Variants in FBXW2 observed in about 807,000 individuals in gnomAD.
FBXW2 encodes F-box and WD repeat domain containing 2, also known as F-box/WD repeat-containing protein 2.
A neutral mutation model predicts 46.0 loss-of-function variants in FBXW2; 12 were observed. The ratio of observed to expected loss-of-function variants is 0.26; its 90% CI spans 0.17 to 0.42. The LOEUF is 0.42. Ranked by LOEUF, FBXW2 falls within the 10% of genes least tolerant of loss-of-function variation. The pLI is 1.00. For missense variants in FBXW2, 360 were observed against 537.0 expected, an observed-to-expected ratio of 0.67 and a Z score of 3.26; for synonymous variants, 203 against 209.6, an observed-to-expected ratio of 0.97 and a Z score of 0.27.
Position 120,776,135 on chromosome 9 carries a change from T to C in FBXW2, c.777A>G (p.Thr259=), listed in dbSNP as rs1373870402. The C allele has an allele frequency of 1.2e-6, 2 of 1,614,220 alleles. No homozygotes were observed. The highest frequency in any genetic ancestry group is 1.7e-6 in the Non-Finnish European group (2 of 1,180,038). The part of the protein sequence containing the change: ...TVKVWALSAG[T]CLNTLTGHTE... ...TGTGCCCGGTGAGTGTGTTCAGGCA[T>C]GTCCCAGCAGATAAAGCCCATACTT... Residue 259 remains threonine, a synonymous_variant, in exon 5 of 8, where the codon ACA becomes ACG. Coordinates refer to ENST00000608872, the MANE Select transcript of FBXW2 (RefSeq NM_012164.4).
intron 7 of FBXW2, 151 bp from the exon 8 acceptor site, chr9:120,764,998 A>G: frequency 3.1e-6 from 2 of 651,798 alleles, no homozygotes; most frequent in Non-Finnish European, 4.8e-6. Context: ...TATAAGGAGA[A>G]AAGCTCAGCC....
At chr9:120,791,973 C>T (rs2044852837) in intron 2 of FBXW2, among the ~76,000 whole-genome samples, 1 of 152,146 alleles carries the variant, frequency 6.6e-6, no homozygotes, top group Non-Finnish European at 1.5e-5. Flanking sequence ...CATTAACTCC[C>T]TATGTTACCT....
chr9:120,770,417 T>C (rs2044355164), intron 7 of FBXW2, among the ~76,000 whole-genome samples: 1 of 151,954 alleles, frequency 6.6e-6, no homozygotes, highest in South Asian at 2.1e-4. Flanking sequence ...TTCAATTTTC[T>C]GTACTCCTCC....
Position 120,772,805 on chromosome 9 carries a change from C to A in FBXW2, c.855G>T (p.Leu285Phe). The A allele has an allele frequency of 6.2e-7, 1 of 1,610,466 alleles. No homozygotes were observed. The highest frequency in any genetic ancestry group is 8.5e-7 in the Non-Finnish European group (1 of 1,178,824). ...AGAGGATGTAGTCTCCAGGACTGTG[C>A]AAGAGAGACTTGACTTTGCACTTCT... ...VLQKCKVKSL[L>F]HSPGDYILLS... Residue 285 changes from leucine (L) to phenylalanine (F), a missense_variant, in exon 6 of 8, where the codon TTG becomes TTT. Physicochemically the swap from Leu to Phe is conservative, Grantham distance 22. Coordinates refer to ENST00000608872, the MANE Select transcript of FBXW2 (RefSeq NM_012164.4).
rs895441912 is a variant in FBXW2 at position 120,761,028 on chromosome 9, C to T, written c.*3531G>A. ...TTTCATAGCAATGTTCCCCACGTTT[C>T]ACTCATGAACAGCTATCCAATTGCA... is the stretch of plus-strand genomic sequence containing the variant. On this transcript the variant is annotated 3_prime_UTR_variant, in exon 8 of 8. Coordinates refer to ENST00000608872, the MANE Select transcript of FBXW2 (RefSeq NM_012164.4). 3.3e-5 allele frequency: 5 copies of T among 152,194 alleles called. No individual in the cohort carries two copies. The highest frequency in any genetic ancestry group is 1.2e-4 in the African/African-American group (5 of 41,446). The allele number at this position is 152,194 out of a possible 1,614,324, so 9.4% of individuals were successfully genotyped here.
chr9:120,778,463 C>A lies in FBXW2; in HGVS notation c.573G>T (p.Ala191=), dbSNP rs746403096. The A allele has an allele frequency of 6.2e-7, 1 of 1,614,078 alleles. No individual in the cohort carries two copies. The highest frequency in any genetic ancestry group is 8.5e-7 in the Non-Finnish European group (1 of 1,180,020). The part of the protein sequence containing the change: ...VYGIQTHTCA[A]VKFDEQKLVT... The stretch of plus-strand genomic sequence containing the variant: ...CAAGCTTCTGTTCATCAAACTTCAC[C>A]GCTGCACAAGTGTGGGTCTGGATGC... The change falls in exon 4 of 8, where the codon GCG becomes GCT. Residue 191 remains alanine, a synonymous_variant. Transcript: ENST00000608872.
chr9:120,787,748 AG>A lies in FBXW2; in HGVS notation c.490+20del, dbSNP rs1342803307. ...ATGAAATACAAAACAAAACCCAAAAAGCAGTTTCAACATCTCTTACCTGTAC... is the reference window on the plus strand; with the variant it reads ...ATGAAATACAAAACAAAACCCAAAAACAGTTTCAACATCTCTTACCTGTAC... On this transcript the variant is annotated intron_variant, in intron 3 of 7. Coordinates refer to ENST00000608872, the MANE Select transcript of FBXW2 (RefSeq NM_012164.4). 1 of 1,584,292 alleles carries A rather than the reference AG, an allele frequency of 6.3e-7. No individual in the cohort carries two copies. Among genetic ancestry groups the A allele is most frequent in the Non-Finnish European group, 8.6e-7 (1 of 1,168,356 alleles).
At chr9:120,773,202 A>C (rs572116613) in intron 5 of FBXW2, among the ~76,000 whole-genome samples, 8 of 152,254 alleles carry the variant, frequency 5.3e-5, no homozygotes, top group African/African-American at 1.2e-4. Flanking sequence ...AAAAAAAAAA[A>C]ACAGTCTAAA....
At position 120,761,808 on chromosome 9, in the gene FBXW2, T is replaced by C. The variant is rs1402073583; in HGVS notation, c.*2751A>G. 6.6e-6 allele frequency: 1 copy of C among 151,100 alleles called. No homozygotes were observed. The highest frequency in any genetic ancestry group is 2.4e-5 in the African/African-American group (1 of 41,094). 9.4% of individuals were successfully genotyped at this position (151,100 alleles called of 1,614,324 possible). On this transcript the variant is annotated 3_prime_UTR_variant, in exon 8 of 8. Coordinates refer to ENST00000608872, the MANE Select transcript of FBXW2 (RefSeq NM_012164.4). Reference sequence around the variant, plus strand: ...GCCTGTATGACAGAGCAAGACTGCCTAGGAAAAAAAAAAAATTCCAGCGGC... The same window carrying C: ...GCCTGTATGACAGAGCAAGACTGCCCAGGAAAAAAAAAAAATTCCAGCGGC...
Position 120,772,798 on chromosome 9 carries a change from G to A in FBXW2, c.862C>T (p.Pro288Ser), listed in dbSNP as rs776970465. The A allele has an allele frequency of 4.4e-6, 7 of 1,605,946 alleles. No homozygotes were observed. The South Asian group carries it at 7.8e-5, about 18-fold the overall frequency. The change falls in exon 6 of 8, where the codon CCT becomes TCT. Residue 288 changes from proline to serine, a missense_variant. Pro to Ser is a moderately conservative substitution (Grantham distance 74, BLOSUM62 -1). Transcript: ENST00000608872. Reference protein sequence around the residue: ...KCKVKSLLHSPGDYILLSADK... With the variant: ...KCKVKSLLHSSGDYILLSADK... ...GCACTTAAGAGGATGTAGTCTCCAGGACTGTGCAAGAGAGACTTGACTTTG... is the reference window on the plus strand; with the variant it reads ...GCACTTAAGAGGATGTAGTCTCCAGAACTGTGCAAGAGAGACTTGACTTTG...
chr9:120,783,353 C>T (rs769124285), intron 3 of FBXW2, among the ~76,000 whole-genome samples: 14 of 152,012 alleles, frequency 9.2e-5, no homozygotes, highest in Non-Finnish European at 1.8e-4. Flanking sequence ...AAAGAGGTCA[C>T]CAGTGATGCA....
chr9:120,760,388 TG>T lies in FBXW2; in HGVS notation c.*4170del, dbSNP rs1347991213. ...GCTCACGCCTGTAATCCCGGCACTTTGGGAGGTAGAGGCGGGCAGAACACGA... is the reference window on the plus strand; with the variant it reads ...GCTCACGCCTGTAATCCCGGCACTTTGGAGGTAGAGGCGGGCAGAACACGA... On this transcript the variant is annotated 3_prime_UTR_variant, in exon 8 of 8. Transcript: ENST00000608872. The T allele has an allele frequency of 1.3e-5, 2 of 152,232 alleles. No individual in the cohort carries two copies. Among genetic ancestry groups the T allele is most frequent in the African/African-American group, 4.8e-5 (2 of 41,434 alleles). The allele number at this position is 152,232 out of a possible 1,614,324, so 9.4% of individuals were successfully genotyped here.
rs997249384 is a variant in FBXW2 at position 120,761,618 on chromosome 9, T to A, written c.*2941A>T. On this transcript the variant is annotated 3_prime_UTR_variant, in exon 8 of 8. Transcript: ENST00000608872. ...AGGATGAGCTAGTTTTCCATTTTTA[T>A]AAAAACTGGCGATAGTATGAATAAA... The A allele has an allele frequency of 1.3e-5, 2 of 152,194 alleles. No individual in the cohort carries two copies. Among genetic ancestry groups the A allele is most frequent in the East Asian group, 3.8e-4 (2 of 5,198 alleles). The allele number at this position is 152,194 out of a possible 1,614,324, so 9.4% of individuals were successfully genotyped here.
At chr9:120,786,302 A>G (rs1259052459) in intron 3 of FBXW2, among the ~76,000 whole-genome samples, 1 of 152,072 alleles carries the variant, frequency 6.6e-6, no homozygotes, top group African/African-American at 2.4e-5. Context: ...CATGATAGTG[A>G]GTGAGTTCTC....
intron 3 of FBXW2, among the ~76,000 whole-genome samples, 196 bp from the exon 4 acceptor site, chr9:120,778,741 G>C (rs2044551188): frequency 6.6e-6 from 1 of 152,136 alleles, no homozygotes; most frequent in African/African-American, 2.4e-5. Context: ...AAAAGCACTA[G>C]GACAGAATCC....
chr9:120,789,035 G>A (rs2044779756), intron 2 of FBXW2, among the ~76,000 whole-genome samples: 1 of 152,004 alleles, frequency 6.6e-6, no homozygotes, highest in Middle Eastern at 3.4e-3. Flanking sequence ...AGAGCCATGA[G>A]GGGTCCTGGA....
Position 120,783,101 on chromosome 9 carries a change from T to C in FBXW2, c.491-4556A>G, listed in dbSNP as rs1034521696. Among the ~76,000 whole-genome samples the C allele has an allele frequency of 2.8e-4, 42 of 151,760 alleles. 1 individual carries two copies. Among genetic ancestry groups the C allele is most frequent in the African/African-American group, 1.0e-3 (42 of 41,432 alleles). ...TTATGTTATGTATGTTTTCGCACAA[T>C]TTGCAAAAAAAAAGGTTATCCAAAC... On this transcript the variant is annotated intron_variant, in intron 3 of 7. Coordinates refer to ENST00000608872, the MANE Select transcript of FBXW2 (RefSeq NM_012164.4).
chr9:120,793,182 C>T lies in FBXW2; in HGVS notation c.-54G>A, dbSNP rs1404642505. On this transcript the variant is annotated 5_prime_UTR_variant, in exon 2 of 8. Coordinates refer to ENST00000608872, the MANE Select transcript of FBXW2 (RefSeq NM_012164.4). ...GCGCCCCGGGGCCCGGGACCTCGCG[C>T]CGGGTTCACAGCTACTAGGCACGCT... 3 of 575,570 alleles carry T rather than the reference C, an allele frequency of 5.2e-6. No homozygotes were observed. The highest frequency in any genetic ancestry group is 5.9e-5 in the East Asian group (2 of 33,952). 35.7% of individuals were successfully genotyped at this position (575,570 alleles called of 1,614,324 possible). A position where few individuals can be genotyped will look rare whatever the true frequency, so the allele number is the denominator to read the frequency against.
At chr9:120,778,819 C>A (rs1254156468) in intron 3 of FBXW2, among the ~76,000 whole-genome samples, 1 of 152,186 alleles carries the variant, frequency 6.6e-6, no homozygotes, top group Admixed American at 6.5e-5. Context: ...CTAAAAGCAT[C>A]CCTTGGTGCT....
Sources: allele counts gnomAD v4.1 joint callset (sites outside exome capture counted in the v4.1 genomes callset), GRCh38; gene constraint gnomAD v4.1.1; transcripts MANE v1.5; gene names NCBI Gene and HGNC (gene_info 2026-07-23, HGNC 2026-07-21).